CDH13: variants seen among roughly 807,000 people sequenced by gnomAD.
CDH13 encodes cadherin 13.
In CDH13, 24 loss-of-function variants were observed where a neutral mutation model predicts 63.8. That is an observed-to-expected ratio of 0.38 (90% CI 0.27 to 0.53). The LOEUF is 0.53. Among genes scored for constraint, CDH13 ranks in the 20% least tolerant of loss-of-function variants. CDH13 has a pLI of 0.85. For synonymous variants in CDH13, 503 were observed against 355.3 expected (o/e 1.42, Z -4.67); for missense variants, 1,049 against 903.1 (o/e 1.16, Z -2.07).
intron 6 of CDH13, among the ~76,000 whole-genome samples, chr16:83,460,993 A>G (rs2073164070): frequency 7.7e-6 from 1 of 129,478 alleles, no homozygotes; most frequent in African/African-American, 2.9e-5. Context: ...ACACACACAC[A>G]CGCACACACA....
At chr16:83,071,162 A>T (rs370653956) in intron 3 of CDH13, among the ~76,000 whole-genome samples, 3 of 152,148 alleles carry the variant, frequency 2.0e-5, no homozygotes, top group African/African-American at 7.2e-5. Flanking sequence ...GTCATTCTGA[A>T]CATTCTCAGA....
chr16:82,766,071 T>C (rs2035043558), intron 1 of CDH13, among the ~76,000 whole-genome samples: 1 of 152,198 alleles, frequency 6.6e-6, no homozygotes, highest in Non-Finnish European at 1.5e-5. Context: ...TGAGGTGCCC[T>C]AAGAACGGGC....
rs7203665 is a variant in CDH13, at chr16:82,644,357, T to C, written c.45+17220T>C. Among the ~76,000 whole-genome samples, 145,796 of 152,160 alleles carry C rather than the reference T, an allele frequency of 0.96. 70,171 individuals are homozygous for C. The highest frequency in any genetic ancestry group is 1 in the East Asian group (5,156 of 5,158). ...CTGCCTTCTGCGTCTCCCTCTGTGC[T>C]CTCCATCACCCCCCTACGGAGTTCC... is the stretch of plus-strand genomic sequence containing the variant. On this transcript the variant is annotated intron_variant, in intron 1 of 13. Transcript: ENST00000567109. The surrounding 1 kb of genome is among the most constrained non-coding windows in gnomAD (Gnocchi z 5.7).
chr16:83,522,469 A>G (rs760692239), intron 7 of CDH13, among the ~76,000 whole-genome samples: 5 of 152,244 alleles, frequency 3.3e-5, no homozygotes, highest in Admixed American at 1.3e-4. Flanking sequence ...GTGGGTGCCA[A>G]CAAGACGTGG....
intron 1 of CDH13, among the ~76,000 whole-genome samples, chr16:82,664,574 T>C (rs1912365344): frequency 6.6e-6 from 1 of 152,188 alleles, no homozygotes; most frequent in Non-Finnish European, 1.5e-5. Context: ...CTGGGAGCCT[T>C]TACATTTGAT....
At chr16:83,596,605 A>T (rs977091721) in intron 7 of CDH13, among the ~76,000 whole-genome samples, 1 of 152,230 alleles carries the variant, frequency 6.6e-6, no homozygotes, top group South Asian at 2.1e-4. Context: ...AGAATTAAAA[A>T]TACATGTGTA....
At chr16:83,393,060 C>T (rs912508145) in intron 6 of CDH13, among the ~76,000 whole-genome samples, 2 of 151,952 alleles carry the variant, frequency 1.3e-5, no homozygotes, top group Admixed American at 6.6e-5. Context: ...CAGTTCCCTG[C>T]CAGAATAAAT....
At chr16:83,720,695 C>A (rs1471074257) in intron 10 of CDH13, among the ~76,000 whole-genome samples, 6 of 152,168 alleles carry the variant, frequency 3.9e-5, no homozygotes, top group African/African-American at 1.4e-4. Flanking sequence ...GACACCTTTG[C>A]CACGCTCCAC....
chr16:82,899,160 G>T (rs550700247), intron 2 of CDH13, among the ~76,000 whole-genome samples: 3 of 152,318 alleles, frequency 2.0e-5, no homozygotes, highest in Admixed American at 1.3e-4. Context: ...AGTCCACAGG[G>T]TCTCACATTA....
chr16:83,758,085 G>GA (rs35905224), intron 11 of CDH13, among the ~76,000 whole-genome samples: 95 of 147,680 alleles, frequency 6.4e-4, no homozygotes, highest in East Asian at 5.9e-3. Context: ...AGTGCTTATG[G>GA]AAAAAAAAAA....
chr16:82,874,231 C>T (rs2040432569), intron 2 of CDH13, among the ~76,000 whole-genome samples: 1 of 152,092 alleles, frequency 6.6e-6, no homozygotes, highest in African/African-American at 2.4e-5. Flanking sequence ...GTTATAAAAA[C>T]ATGTTTGGTA....
At chr16:83,036,908 G>C (rs1277869485) in intron 3 of CDH13, among the ~76,000 whole-genome samples, 1 of 152,168 alleles carries the variant, frequency 6.6e-6, no homozygotes, top group Non-Finnish European at 1.5e-5. Context: ...TTCTTGGCCA[G>C]AGGAAGCTGG....
intron 7 of CDH13, among the ~76,000 whole-genome samples, chr16:83,520,951 C>T (rs1005165017): frequency 2.6e-5 from 4 of 151,654 alleles, no homozygotes; most frequent in Admixed American, 2.0e-4. Flanking sequence ...ACAGGAAGTG[C>T]CTCTCCTCAG....
chr16:82,679,059 C>T (rs944456497), intron 1 of CDH13, among the ~76,000 whole-genome samples: 2 of 152,162 alleles, frequency 1.3e-5, no homozygotes, highest in Non-Finnish European at 2.9e-5. Flanking sequence ...ATAGAAAGTG[C>T]CTCAGAAATG....
chr16:83,131,336 G>A (rs985437206), intron 4 of CDH13, among the ~76,000 whole-genome samples: 1 of 152,126 alleles, frequency 6.6e-6, no homozygotes, highest in African/African-American at 2.4e-5. Context: ...GGAAGACAAG[G>A]TAAAACACCC....
At chr16:82,898,017 T>C (rs2041328255) in intron 2 of CDH13, among the ~76,000 whole-genome samples, 1 of 152,210 alleles carries the variant, frequency 6.6e-6, no homozygotes, top group African/African-American at 2.4e-5. Flanking sequence ...TGAAATACAG[T>C]TGGCCTCAAT....
intron 2 of CDH13, among the ~76,000 whole-genome samples, chr16:82,868,313 C>A (rs950705754): frequency 6.6e-6 from 1 of 152,162 alleles, no homozygotes; most frequent in African/African-American, 2.4e-5. Context: ...AAATGTTATG[C>A]TTTCACAGGT....
At chr16:83,083,192 C>T (rs577665358) in intron 3 of CDH13, among the ~76,000 whole-genome samples, 1 of 152,316 alleles carries the variant, frequency 6.6e-6, no homozygotes, top group African/African-American at 2.4e-5. Context: ...ATAGGATGCA[C>T]AGTTTTAAAT....
At chr16:83,464,339 C>T (rs2151529341) in intron 6 of CDH13, among the ~76,000 whole-genome samples, 1 of 151,992 alleles carries the variant, frequency 6.6e-6, no homozygotes, top group Admixed American at 6.5e-5. Context: ...ATGGTGAAAC[C>T]CTGTCTTTAC....
Sources: gnomAD v4.1 joint callset for allele counts (sites outside exome capture counted in the v4.1 genomes callset) on GRCh38, gnomAD v4.1.1 for gene constraint, Gnocchi (gnomAD v3.1) non-coding constraint, MANE v1.5 for transcripts, NCBI Gene and HGNC (gene_info 2026-07-23, HGNC 2026-07-21) for gene names.